The following KCNQ5 variants were observed in gnomAD, a reference collection of about 807,000 sequenced individuals.
The protein encoded by KCNQ5 is potassium voltage-gated channel subfamily KQT member 5.
A neutral mutation model predicts 98.2 loss-of-function variants in KCNQ5; 30 were observed. The observed-to-expected ratio is 0.31, with a 90% CI of 0.23 to 0.41. KCNQ5 has a LOEUF of 0.41. Ranked by LOEUF, KCNQ5 falls within the 10% of genes least tolerant of loss-of-function variation. The pLI, the probability that KCNQ5 is intolerant of heterozygous loss-of-function variation, is 1.00. For synonymous variants in KCNQ5, 458 were observed against 449.4 expected (o/e 1.02, Z -0.24); for missense variants, 835 against 1,182.5 (o/e 0.71, Z 4.31).
intron 1 of KCNQ5, among the ~76,000 whole-genome samples, chr6:72,946,502 A>C (rs1317540598): frequency 2.0e-5 from 3 of 152,198 alleles, no homozygotes; most frequent in African/African-American, 7.2e-5. Flanking sequence ...TATTTAATAC[A>C]TCATAGACTG....
intron 1 of KCNQ5, among the ~76,000 whole-genome samples, chr6:72,760,660 G>T (rs568185873): frequency 1.3e-5 from 2 of 152,186 alleles, no homozygotes; most frequent in South Asian, 4.1e-4. Context: ...AACCCTCTGG[G>T]CTAGAAGGGG....
At chr6:72,973,651 G>A (rs577299430) in intron 1 of KCNQ5, among the ~76,000 whole-genome samples, 2 of 151,888 alleles carry the variant, frequency 1.3e-5, no homozygotes, top group African/African-American at 4.8e-5. Context: ...TTTGAATTAC[G>A]GTTTTCCACC....
At chr6:73,110,475 G>C (rs982564682) in intron 6 of KCNQ5, among the ~76,000 whole-genome samples, 1 of 152,112 alleles carries the variant, frequency 6.6e-6, no homozygotes, top group African/African-American at 2.4e-5. Context: ...CAGAAGAAAA[G>C]CAAACTGGCC....
intron 10 of KCNQ5, among the ~76,000 whole-genome samples, chr6:73,137,833 T>C (rs1159196420): frequency 1.3e-5 from 2 of 152,202 alleles, no homozygotes; most frequent in African/African-American, 4.8e-5. Context: ...TAAGATGTTC[T>C]CCTAGATATT....
intron 1 of KCNQ5, among the ~76,000 whole-genome samples, chr6:72,694,262 G>A (rs373732904): frequency 2.0e-5 from 3 of 152,116 alleles, no homozygotes; most frequent in African/African-American, 7.2e-5. Context: ...CTTAGAAGGG[G>A]CCCTCAGAGA....
At chr6:72,672,685 C>T (rs958972919) in intron 1 of KCNQ5, among the ~76,000 whole-genome samples, 2 of 152,114 alleles carry the variant, frequency 1.3e-5, no homozygotes, top group Admixed American at 1.3e-4. Flanking sequence ...ACCTACCTTA[C>T]AAAATTGTCA....
intron 1 of KCNQ5, among the ~76,000 whole-genome samples, chr6:72,921,639 T>C (rs1471183058): frequency 6.6e-6 from 1 of 152,218 alleles, no homozygotes; most frequent in Non-Finnish European, 1.5e-5. Flanking sequence ...TAAGAGAATC[T>C]ACTTCACCAG....
At chr6:72,803,020 A>G (rs920015448) in intron 1 of KCNQ5, among the ~76,000 whole-genome samples, 5 of 152,128 alleles carry the variant, frequency 3.3e-5, no homozygotes, top group Admixed American at 6.6e-5. Flanking sequence ...TGAGATAATC[A>G]GGAAGATTTT....
intron 2 of KCNQ5, among the ~76,000 whole-genome samples, chr6:73,009,316 A>G (rs1017190470): frequency 6.6e-6 from 1 of 152,038 alleles, no homozygotes; most frequent in African/African-American, 2.4e-5. Context: ...TTAAACAACC[A>G]ATGGGTCAAA....
intron 1 of KCNQ5, among the ~76,000 whole-genome samples, chr6:72,718,419 A>G (rs1442447955): frequency 6.9e-6 from 1 of 144,808 alleles, no homozygotes; most frequent in South Asian, 2.2e-4. Context: ...GAGCTAAGCC[A>G]GGTCTTGAGA....
chr6:73,060,918 G>A (rs1394393346), intron 3 of KCNQ5, among the ~76,000 whole-genome samples: 2 of 152,138 alleles, frequency 1.3e-5, no homozygotes, highest in East Asian at 1.9e-4. Flanking sequence ...GGAGTGCAAA[G>A]GGGTATCACC....
intron 1 of KCNQ5, among the ~76,000 whole-genome samples, chr6:72,802,406 T>G (rs1291278317): frequency 6.6e-6 from 1 of 152,120 alleles, no homozygotes; most frequent in Non-Finnish European, 1.5e-5. Flanking sequence ...TCTCATTCTT[T>G]ATGCAGCAAA....
intron 3 of KCNQ5, among the ~76,000 whole-genome samples, chr6:73,070,201 T>C (rs908453984): frequency 2.1e-4 from 32 of 152,210 alleles, no homozygotes; most frequent in African/African-American, 7.2e-4. Flanking sequence ...CAATAATTGA[T>C]ACTACTTTGA....
At chr6:72,624,635 A>C (rs1392238423) in intron 1 of KCNQ5, among the ~76,000 whole-genome samples, 2 of 152,250 alleles carry the variant, frequency 1.3e-5, no homozygotes, top group African/African-American at 2.4e-5. Context: ...AGGCTTTATC[A>C]GTCTAGCAGT....
At chr6:72,974,385 C>CAAAAAAAA (rs201503571) in intron 1 of KCNQ5, among the ~76,000 whole-genome samples, 8 of 120,488 alleles carry the variant, frequency 6.6e-5, no homozygotes, top group South Asian at 2.8e-4. Context: ...TAACTAGTGG[C>CAAAAAAAA]AAAAAAAAAA....
chr6:72,684,168 G>A (rs976239197), intron 1 of KCNQ5, among the ~76,000 whole-genome samples: 8 of 152,088 alleles, frequency 5.3e-5, no homozygotes, highest in Admixed American at 6.6e-5. Flanking sequence ...TTCCAATTCC[G>A]AATGAGTATG....
intron 1 of KCNQ5, among the ~76,000 whole-genome samples, chr6:72,726,208 ATT>A (rs371004096): frequency 0.12 from 17,628 of 141,482 alleles, 1,109 homozygotes; most frequent in South Asian, 0.17. Flanking sequence ...TTAAATTTAA[ATT>A]TTTTTTTTTT....
chr6:73,107,651 G>C (rs1342699987), intron 6 of KCNQ5, among the ~76,000 whole-genome samples: 1 of 152,216 alleles, frequency 6.6e-6, no homozygotes, highest in African/African-American at 2.4e-5. Flanking sequence ...CTATCACAGG[G>C]AGGTTAAATA....
At position 73,166,781 on chromosome 6, in the gene KCNQ5, G is replaced by A. The variant is rs116015995; in HGVS notation, c.1469-2965G>A. Among the ~76,000 whole-genome samples the A allele has an allele frequency of 3.1e-3, 469 of 152,212 alleles. 1 individual carries two copies. Among genetic ancestry groups the A allele is most frequent in the African/African-American group, 0.01 (434 of 41,532 alleles). On this transcript the variant is annotated intron_variant, in intron 10 of 13. Coordinates refer to ENST00000370398, the MANE Select transcript of KCNQ5 (RefSeq NM_019842.4). ...CTGCCTCTCTCCTAACGATTGGTGG[G>A]GGCCAACAATCCCTGGTGTTCCTTA...
Sources: allele counts gnomAD v4.1 joint callset (sites outside exome capture counted in the v4.1 genomes callset), GRCh38; gene constraint gnomAD v4.1.1; transcripts MANE v1.5; gene names NCBI Gene and HGNC (gene_info 2026-07-23, HGNC 2026-07-21).